MYLK4: variants seen among roughly 807,000 people sequenced by gnomAD.
MYLK4 encodes the protein caMLCK like.
In MYLK4, 46 loss-of-function variants were observed where a neutral mutation model predicts 48.1. That is an observed-to-expected ratio of 0.96 (90% CI 0.75 to 1.22). The LOEUF (loss-of-function observed/expected upper bound fraction) is 1.22, where lower values mean the gene tolerates loss of function less well. Ranked by LOEUF, MYLK4 falls within the 50% of genes most tolerant of loss-of-function variation. The pLI is 0.00. For synonymous variants in MYLK4, 170 were observed against 180.8 expected, an observed-to-expected ratio of 0.94 and a Z score of 0.48; for missense variants, 451 against 486.1, an observed-to-expected ratio of 0.93 and a Z score of 0.68.
chr6:2,707,040 A>C (rs1762517329), intron 2 of MYLK4, among the ~76,000 whole-genome samples: 1 of 152,212 alleles, frequency 6.6e-6, no homozygotes, highest in South Asian at 2.1e-4. Context: ...CTTGCACATA[A>C]AGGTAGCAAC....
At position 2,686,666 on chromosome 6, in the gene MYLK4, TG is replaced by T. The variant is rs138253248; in HGVS notation, c.342-1091del. On this transcript the variant is annotated intron_variant, in intron 4 of 12. Transcript: ENST00000274643. ...TCAGCGATGAAAGTCATGGCAACGC[TG>T]GGCAGATGCAGGGGCACTGGCGGCC... Among the ~76,000 whole-genome samples, 1,188 of 152,288 alleles carry T rather than the reference TG, an allele frequency of 7.8e-3. 20 individuals are homozygous for T. Among genetic ancestry groups the T allele is most frequent in the African/African-American group, 0.027 (1,133 of 41,554 alleles).
rs1760646132 is a variant in MYLK4, at chr6:2,666,205, A to G, written c.*1720T>C. 6.6e-6 allele frequency: 1 copy of G among 152,202 alleles called. No homozygotes were observed. Among genetic ancestry groups the G allele is most frequent in the African/African-American group, 2.4e-5 (1 of 41,444 alleles). 9.4% of individuals were successfully genotyped at this position (152,202 alleles called of 1,614,324 possible). ...GTTGCACACATTCACGGCATGCTGT[A>G]AGGATTCCTTAAGTGGATCTGAGAG... On this transcript the variant is annotated 3_prime_UTR_variant, in exon 13 of 13. Coordinates refer to ENST00000274643, the MANE Select transcript of MYLK4 (RefSeq NM_001012418.5).
chr6:2,719,702 A>G (rs1275278056), intron 2 of MYLK4, among the ~76,000 whole-genome samples: 1 of 152,272 alleles, frequency 6.6e-6, no homozygotes. Context: ...CATTAAAAAA[A>G]AAGTATGAAA....
At chr6:2,760,130 T>A in the MYLK4 span, among the ~76,000 whole-genome samples, 1 of 152,194 alleles carries the variant, frequency 6.6e-6, no homozygotes, top group Non-Finnish European at 1.5e-5. Flanking sequence ...TATGAGCATA[T>A]GTGCATAGGT....
chr6:2,695,872 G>A (rs976351815), intron 2 of MYLK4, among the ~76,000 whole-genome samples: 5 of 152,164 alleles, frequency 3.3e-5, no homozygotes, highest in Admixed American at 3.3e-4. Flanking sequence ...AATGAAACAT[G>A]TCTTCTACCG....
intron 2 of MYLK4, among the ~76,000 whole-genome samples, chr6:2,730,327 T>C (rs193021670): frequency 1.3e-5 from 2 of 152,326 alleles, no homozygotes; most frequent in East Asian, 3.9e-4. Flanking sequence ...CTTGGAGTGA[T>C]ACATTATTCT....
chr6:2,684,451 C>T (rs1048238827), intron 6 of MYLK4, among the ~76,000 whole-genome samples: 3 of 152,128 alleles, frequency 2.0e-5, no homozygotes, highest in African/African-American at 7.2e-5. Context: ...GACCACGATA[C>T]TATACTTTTT....
intron 2 of MYLK4, among the ~76,000 whole-genome samples, chr6:2,713,063 G>A (rs557134246): frequency 1.3e-5 from 2 of 152,176 alleles, no homozygotes; most frequent in Non-Finnish European, 2.9e-5. Context: ...ATGTGAAAGC[G>A]CTTTTGGAAA....
intron 2 of MYLK4, among the ~76,000 whole-genome samples, chr6:2,731,024 A>T (rs1763460035): frequency 5.3e-5 from 8 of 152,194 alleles, no homozygotes; most frequent in Admixed American, 5.2e-4. Flanking sequence ...TTCTTACAGA[A>T]AAGCTAATTC....
intron 2 of MYLK4, among the ~76,000 whole-genome samples, chr6:2,701,278 A>AT (rs1482545595): frequency 6.6e-6 from 1 of 151,998 alleles, no homozygotes; most frequent in African/African-American, 2.4e-5. Flanking sequence ...TTTTAAGATC[A>AT]TTTTTTATCA....
chr6:2,752,648 G>T (rs944400882), upstream of MYLK4, among the ~76,000 whole-genome samples: 6 of 152,146 alleles, frequency 3.9e-5, no homozygotes, highest in African/African-American at 1.4e-4. Flanking sequence ...AAACGTTCAA[G>T]TTGAATAGGC....
chr6:2,693,298 G>A (rs982924885), intron 2 of MYLK4, among the ~76,000 whole-genome samples: 1 of 152,182 alleles, frequency 6.6e-6, no homozygotes, highest in Non-Finnish European at 1.5e-5. Flanking sequence ...ATGAAAGGAT[G>A]TTAATAATGT....
intron 2 of MYLK4, among the ~76,000 whole-genome samples, chr6:2,698,697 A>G (rs866027578): frequency 7.9e-5 from 12 of 152,228 alleles, no homozygotes; most frequent in African/African-American, 4.8e-5. Context: ...CAAAGAGATG[A>G]ATTTTCAGAA....
chr6:2,708,630 G>T (rs1762572893), intron 2 of MYLK4, among the ~76,000 whole-genome samples: 1 of 152,182 alleles, frequency 6.6e-6, no homozygotes, highest in Non-Finnish European at 1.5e-5. Flanking sequence ...AAAGGTTGTT[G>T]TTTTGGTTAC....
the MYLK4 span, among the ~76,000 whole-genome samples, chr6:2,766,836 A>G: frequency 6.6e-6 from 1 of 150,856 alleles, no homozygotes; most frequent in African/African-American, 2.4e-5. Context: ...ACATTTGTAT[A>G]TTCCGTTTGT....
chr6:2,696,554 C>A (rs573800354), intron 2 of MYLK4, among the ~76,000 whole-genome samples: 1 of 152,364 alleles, frequency 6.6e-6, no homozygotes, highest in South Asian at 2.1e-4. Context: ...GGCCCTGGAT[C>A]TGCCAGCAGC....
Position 2,685,501 on chromosome 6 carries a change from G to A in MYLK4, c.417C>T (p.Thr139=), listed in dbSNP as rs1761500395. 1.2e-6 allele frequency: 2 copies of A among 1,614,112 alleles called. No homozygotes were observed. Among genetic ancestry groups the A allele is most frequent in the Non-Finnish European group, 1.7e-6 (2 of 1,180,004 alleles). ...GLKLAAKIIK[T]RGMKDKEEVK... ...GCTGTACCTTGTCCTTCATGCCTCT[G>A]GTCTTGATGATTTTGGCTGCCAGCT... is the stretch of plus-strand genomic sequence containing the variant. The change falls in exon 5 of 13, where the codon ACC becomes ACT. Residue 139 remains threonine, a synonymous_variant. Coordinates refer to ENST00000274643, the MANE Select transcript of MYLK4 (RefSeq NM_001012418.5). This position sits in a 1 kb window ranked among gnomAD's most constrained non-coding sequence, Gnocchi z 4.5.
chr6:2,691,575 A>G (rs1399362033), intron 3 of MYLK4, among the ~76,000 whole-genome samples: 1 of 152,216 alleles, frequency 6.6e-6, no homozygotes, highest in African/African-American at 2.4e-5. Context: ...ATTATTTATA[A>G]TGGAGTAGGT....
At chr6:2,762,059 G>A in the MYLK4 span, among the ~76,000 whole-genome samples, 2 of 151,944 alleles carry the variant, frequency 1.3e-5, no homozygotes, top group African/African-American at 2.4e-5. Context: ...CTACAGGCTC[G>A]CACCGCCACA....
Sources: allele counts gnomAD v4.1 joint callset (sites outside exome capture counted in the v4.1 genomes callset), GRCh38; gene constraint gnomAD v4.1.1; non-coding constraint Gnocchi (gnomAD v3.1); transcripts MANE v1.5; gene names NCBI Gene and HGNC (gene_info 2026-07-23, HGNC 2026-07-21).